The following OTUD7B variants were observed in gnomAD, a reference collection of about 807,000 sequenced individuals.
OTUD7B encodes OTU deubiquitinase 7B.
In OTUD7B, 34 loss-of-function variants were observed where a neutral mutation model predicts 82.2. The ratio of observed to expected loss-of-function variants is 0.41; its 90% CI spans 0.31 to 0.55. OTUD7B has a LOEUF of 0.55. Among genes scored for constraint, OTUD7B ranks in the 20% least tolerant of loss-of-function variants. The pLI is 0.20. For missense variants in OTUD7B, 944 were observed against 1,062.1 expected, an observed-to-expected ratio of 0.89 and a Z score of 1.55; for synonymous variants, 398 against 402.7, an observed-to-expected ratio of 0.99 and a Z score of 0.14.
chr1:149,961,067 ATACAAAGCC>A (rs1470742709), intron 6 of OTUD7B: 1 of 149,090 alleles, frequency 6.7e-6, no homozygotes. Context: ...GAAGTGCTGC[ATACAAAGCC>A]TACTTTCTGG....
chr1:149,965,746 A>T, intron 5 of OTUD7B, 31 bp downstream of exon 5: 1 of 1,466,576 alleles, frequency 6.8e-7, no homozygotes, highest in Non-Finnish European at 9.5e-7. Flanking sequence ...TCCTTTCTGC[A>T]GGTGAATGGA....
chr1:150,055,530 CA>C, the OTUD7B span, among the ~76,000 whole-genome samples: 1 of 152,198 alleles, frequency 6.6e-6, no homozygotes, highest in Non-Finnish European at 1.5e-5. Context: ...TTCGACCCAG[CA>C]ATCCCATTAT....
At chr1:149,981,645 A>G (rs1265878236) in intron 1 of OTUD7B, among the ~76,000 whole-genome samples, 1 of 152,190 alleles carries the variant, frequency 6.6e-6, no homozygotes, top group African/African-American at 2.4e-5. Context: ...ATCCTGTCTT[A>G]TATCAGTACT....
the OTUD7B span, among the ~76,000 whole-genome samples, chr1:150,022,396 CAAA>C: frequency 1.3e-3 from 8 of 6,084 alleles, 3 homozygotes; most frequent in Admixed American, 0.012. Context: ...AAACTCTCTA[CAAA>C]AAAAAAAAAA....
At chr1:150,041,929 ATCT>A in the OTUD7B span, among the ~76,000 whole-genome samples, 1 of 149,770 alleles carries the variant, frequency 6.7e-6, no homozygotes, top group African/African-American at 2.4e-5. Context: ...AAAGCTATAC[ATCT>A]TCTTTTGAAT....
upstream of OTUD7B, among the ~76,000 whole-genome samples, chr1:150,015,579 C>G (rs77392625): frequency 0.052 from 7,933 of 152,138 alleles, 720 homozygotes; most frequent in African/African-American, 0.18. Context: ...AAAGTGCTGA[C>G]ATTACAAGTG....
chr1:150,041,202 A>G, the OTUD7B span, among the ~76,000 whole-genome samples: 1 of 151,976 alleles, frequency 6.6e-6, no homozygotes, highest in Non-Finnish European at 1.5e-5. Context: ...TTTGTTATAT[A>G]CTTAGATAAA....
At chr1:150,042,767 A>G in the OTUD7B span, among the ~76,000 whole-genome samples, 1 of 152,114 alleles carries the variant, frequency 6.6e-6, no homozygotes, top group Non-Finnish European at 1.5e-5. Flanking sequence ...CTAAGGCCCT[A>G]AGGTAAGGAA....
the OTUD7B span, among the ~76,000 whole-genome samples, chr1:150,016,214 A>G: frequency 9.9e-5 from 15 of 152,152 alleles, no homozygotes; most frequent in Non-Finnish European, 1.5e-4. Flanking sequence ...AATAATCCCA[A>G]CGAGTAAAAT....
chr1:150,000,486 A>G (rs979948804), intron 1 of OTUD7B, among the ~76,000 whole-genome samples: 2 of 151,688 alleles, frequency 1.3e-5, no homozygotes, highest in African/African-American at 4.8e-5. Flanking sequence ...AAAAAAGAAA[A>G]CAAAAAACAA....
chr1:150,009,786 G>A (rs150594284), intron 1 of OTUD7B, among the ~76,000 whole-genome samples: 19 of 152,224 alleles, frequency 1.2e-4, no homozygotes, highest in African/African-American at 4.6e-4. Context: ...GAGCCACACC[G>A]TTAACCTAGT....
chr1:150,059,296 A>C, the OTUD7B span, among the ~76,000 whole-genome samples: 1,220 of 6,594 alleles, frequency 0.19, 6 homozygotes, highest in Non-Finnish European at 0.23. Flanking sequence ...CTCGTGATCC[A>C]CCCCCCCCCC....
At chr1:149,947,114 T>G (rs1553772322) in intron 11 of OTUD7B, 137 bp downstream of exon 11, 1 of 510,014 alleles carries the variant, frequency 2.0e-6, no homozygotes, top group East Asian at 2.9e-5. Flanking sequence ...TTATCTGACA[T>G]CTTCTAGTTA....
rs1265053420 is a variant in OTUD7B, at chr1:149,969,334, C to T, written c.274+1729G>A. 3.3e-5 allele frequency among the ~76,000 whole-genome samples: 5 copies of T among 152,196 alleles called. No individual in the cohort carries two copies. The South Asian group carries it at 8.3e-4, about 25-fold the overall frequency. On this transcript the variant is annotated intron_variant, in intron 3 of 11. Coordinates refer to ENST00000581312, the MANE Select transcript of OTUD7B (RefSeq NM_020205.4). ...GCAAGACCCTGCCTCAAAAACAGTA[C>T]CATGTGCCTATGGTAAAAAATCAAT...
intron 7 of OTUD7B, among the ~76,000 whole-genome samples, chr1:149,956,495 T>C (rs587755741): frequency 1.3e-5 from 2 of 152,316 alleles, no homozygotes; most frequent in East Asian, 3.9e-4. Flanking sequence ...ACTTTGGGAA[T>C]CTGACAATTA....
At chr1:150,018,421 A>C in the OTUD7B span, among the ~76,000 whole-genome samples, 879 of 151,958 alleles carry the variant, frequency 5.8e-3, 5 homozygotes, top group Middle Eastern at 0.017. Context: ...GTGCCCTTCC[A>C]CTCCTTCCCC....
At chr1:149,983,315 C>T (rs1418936087) in intron 1 of OTUD7B, among the ~76,000 whole-genome samples, 1 of 152,010 alleles carries the variant, frequency 6.6e-6, no homozygotes, top group African/African-American at 2.4e-5. Flanking sequence ...TCCTCAAAAG[C>T]TTCCAGCATG....
At chr1:150,056,927 CAG>C in the OTUD7B span, among the ~76,000 whole-genome samples, 7 of 152,072 alleles carry the variant, frequency 4.6e-5, no homozygotes, top group Admixed American at 4.6e-4. Flanking sequence ...TGATGAGAAA[CAG>C]AATATTTTCA....
In OTUD7B at chr1:149,939,620, C is replaced by G. The variant is rs587763367; in HGVS notation, c.*4237G>C. 1 of 152,286 alleles carries G rather than the reference C, an allele frequency of 6.6e-6. No homozygotes were observed. Among genetic ancestry groups the G allele is most frequent in the East Asian group, 1.9e-4 (1 of 5,174 alleles). The allele number at this position is 152,286 out of a possible 1,614,324, so 9.4% of individuals were successfully genotyped here. ...CACCTGTGGCTATATGTCTGGGGCA[C>G]TGACTCATTGGAGAAGGAAGACACA... On this transcript the variant is annotated 3_prime_UTR_variant, in exon 12 of 12. Transcript: ENST00000581312.
Sources: gnomAD v4.1 joint callset for allele counts (sites outside exome capture counted in the v4.1 genomes callset) on GRCh38, gnomAD v4.1.1 for gene constraint, MANE v1.5 for transcripts, NCBI Gene and HGNC (gene_info 2026-07-23, HGNC 2026-07-21) for gene names.